LRBA: variants seen among roughly 807,000 people sequenced by gnomAD.
The protein encoded by LRBA is LPS responsive beige-like anchor protein, also known as lipopolysaccharide-responsive and beige-like anchor protein.
A neutral mutation model predicts 330.0 loss-of-function variants in LRBA; 176 were observed. The observed-to-expected ratio is 0.53, with a 90% CI of 0.47 to 0.60. LRBA has a LOEUF of 0.60. Ranked by LOEUF, LRBA falls within the 20% of genes least tolerant of loss-of-function variation. The pLI is 0.00. For missense variants in LRBA, 3,259 were observed against 3,444.8 expected (o/e 0.95, Z 1.35); for synonymous variants, 1,230 against 1,193.0 (o/e 1.03, Z -0.64).
intron 30 of LRBA, among the ~76,000 whole-genome samples, chr4:150,818,913 A>G (rs139634291): frequency 1.2e-3 from 190 of 152,202 alleles, no homozygotes; most frequent in African/African-American, 4.5e-3. Flanking sequence ...CACTTCTAGG[A>G]ATTTCCTCAA....
At chr4:150,268,390 C>CA (rs543965242) in intron 56 of LRBA, among the ~76,000 whole-genome samples, 4 of 152,060 alleles carry the variant, frequency 2.6e-5, no homozygotes, top group Non-Finnish European at 5.9e-5. Context: ...TTTCTTCTTC[C>CA]AAAAAATTAA....
rs1474596690 is a variant in LRBA, at chr4:151,014,609, G to A, written c.34C>T (p.Pro12Ser). The part of the protein sequence containing the change: ...ASEDNRVPSP[P>S]PTGDDGGGGG... Reference sequence around the variant, plus strand: ...CCTCCCCCGTCATCACCTGTTGGTGGCGGGGAAGGGACACGATTGTCTTCG... The same window carrying A: ...CCTCCCCCGTCATCACCTGTTGGTGACGGGGAAGGGACACGATTGTCTTCG... Residue 12 changes from proline to serine, a missense_variant, in exon 2 of 57, where the codon CCA (proline) becomes TCA (serine). Coordinates refer to ENST00000651943, the MANE Select transcript of LRBA (RefSeq NM_001364905.1). 1.9e-6 allele frequency: 3 copies of A among 1,608,312 alleles called. No individual in the cohort carries two copies. The highest frequency in any genetic ancestry group is 1.7e-5 in the Admixed American group (1 of 59,376).
Position 150,671,442 on chromosome 4 carries a change from C to A in LRBA, c.5921+12109G>T, listed in dbSNP as rs186657757. On this transcript the variant is annotated intron_variant, in intron 37 of 56. Coordinates refer to ENST00000651943, the MANE Select transcript of LRBA (RefSeq NM_001364905.1). ...GGTGTTCTTGATTGCCTCAGATATA[C>A]CCAAGAGATATTCATTATAGAATTA... 5.9e-5 allele frequency among the ~76,000 whole-genome samples: 9 copies of A among 152,138 alleles called. No homozygotes were observed. In the East Asian group the frequency reaches 1.2e-3, roughly 20 times the overall value.
chr4:150,817,039 A>C, intron 31 of LRBA, 85 bp downstream of exon 31: 1 of 1,263,716 alleles, frequency 7.9e-7, no homozygotes, highest in Non-Finnish European at 1.1e-6. Flanking sequence ...ATGTGCCCCC[A>C]AATTTTAAGT....
intron 40 of LRBA, chr4:150,581,803 C>G (rs1049949923): frequency 1.3e-5 from 2 of 152,676 alleles, no homozygotes; most frequent in African/African-American, 4.8e-5. Context: ...GCGTGCCTGT[C>G]TTCTCTCTCG....
At chr4:150,429,262 A>C (rs1161101568) in intron 46 of LRBA, among the ~76,000 whole-genome samples, 1 of 151,978 alleles carries the variant, frequency 6.6e-6, no homozygotes, top group Non-Finnish European at 1.5e-5. Flanking sequence ...GGCATGAAGA[A>C]TGAGTTCTTA....
chr4:150,697,325 GAAAAAAAAAAAAAA>G (rs60145657), intron 36 of LRBA, among the ~76,000 whole-genome samples: 19 of 28,054 alleles, frequency 6.8e-4, no homozygotes, highest in South Asian at 3.3e-3. Flanking sequence ...CTTTGTCTCA[GAAAAAAAAAAAAAA>G]AAAAAAAAAA....
At chr4:150,460,647 G>C (rs1754661188) in intron 44 of LRBA, among the ~76,000 whole-genome samples, 1 of 151,764 alleles carries the variant, frequency 6.6e-6, no homozygotes, top group African/African-American at 2.4e-5. Context: ...TATGTTGCAA[G>C]ATAGGAATCA....
intron 2 of LRBA, among the ~76,000 whole-genome samples, chr4:151,001,440 A>G (rs1743313265): frequency 6.6e-6 from 1 of 152,078 alleles, no homozygotes; most frequent in Non-Finnish European, 1.5e-5. Context: ...CAGCTTAACC[A>G]GGTCCCCATG....
At chr4:150,359,782 C>T (rs551731020) in intron 47 of LRBA, among the ~76,000 whole-genome samples, 1 of 151,996 alleles carries the variant, frequency 6.6e-6, no homozygotes, top group South Asian at 2.1e-4. Flanking sequence ...AGTTCAAGAC[C>T]AGCCTGGCCA....
chr4:150,556,707 CATATT>C (rs989224924), intron 40 of LRBA, among the ~76,000 whole-genome samples: 27 of 152,198 alleles, frequency 1.8e-4, no homozygotes, highest in African/African-American at 6.3e-4. Context: ...TGCAGATTGA[CATATT>C]ATATAGTTTG....
At chr4:150,512,016 T>C (rs1226141299) in intron 40 of LRBA, among the ~76,000 whole-genome samples, 1 of 152,244 alleles carries the variant, frequency 6.6e-6, no homozygotes, top group East Asian at 1.9e-4. Context: ...AAACAGTACT[T>C]ATTTTAGTAA....
chr4:150,705,575 T>C (rs763606056), intron 36 of LRBA, among the ~76,000 whole-genome samples: 5 of 151,882 alleles, frequency 3.3e-5, no homozygotes, highest in African/African-American at 9.7e-5. Flanking sequence ...AATTTAAGAA[T>C]AGAACATGAC....
intron 2 of LRBA, among the ~76,000 whole-genome samples, chr4:150,947,533 A>T (rs553657175): frequency 6.6e-6 from 1 of 152,202 alleles, no homozygotes; most frequent in East Asian, 1.9e-4. Flanking sequence ...AAAAACTTCA[A>T]CTTGATAAGC....
At chr4:150,787,092 C>T (rs1739184392) in intron 34 of LRBA, among the ~76,000 whole-genome samples, 1 of 152,012 alleles carries the variant, frequency 6.6e-6, no homozygotes, top group South Asian at 2.1e-4. Flanking sequence ...AGTCGCCAGG[C>T]ATGATGGTGG....
At chr4:150,376,944 T>G (rs1209671235) in intron 47 of LRBA, among the ~76,000 whole-genome samples, 2 of 151,918 alleles carry the variant, frequency 1.3e-5, no homozygotes, top group African/African-American at 2.4e-5. Context: ...AAAGAAACCA[T>G]GCCCACAGGG....
intron 37 of LRBA, among the ~76,000 whole-genome samples, chr4:150,619,727 T>G: frequency 6.6e-6 from 1 of 152,160 alleles, no homozygotes; most frequent in East Asian, 1.9e-4. Flanking sequence ...TCCCCACTGT[T>G]TGTATGAATC....
Position 150,321,008 on chromosome 4 carries a change from T to C in LRBA, c.7630+183A>G, listed in dbSNP as rs965821014. On this transcript the variant is annotated intron_variant, in intron 50 of 56. Transcript: ENST00000651943. The surrounding 1 kb of genome is among the most constrained non-coding windows in gnomAD (Gnocchi z 4.5). ...ACCAGAAGCTAAAAAGTAGTTTATG[T>C]TTTTAACATTTGTACTATATGCCTC... Among the ~76,000 whole-genome samples, 3 of 152,146 alleles carry C rather than the reference T, an allele frequency of 2.0e-5. No individual in the cohort carries two copies. Among genetic ancestry groups the C allele is most frequent in the Non-Finnish European group, 4.4e-5 (3 of 68,026 alleles).
chr4:150,874,650 T>G (rs1753804695), intron 17 of LRBA, among the ~76,000 whole-genome samples: 1 of 152,158 alleles, frequency 6.6e-6, no homozygotes, highest in Admixed American at 6.5e-5. Context: ...ACCCTGACAC[T>G]GTGGTGCAGC....
Sources: gnomAD v4.1 joint callset for allele counts (sites outside exome capture counted in the v4.1 genomes callset) on GRCh38, gnomAD v4.1.1 for gene constraint, Gnocchi (gnomAD v3.1) non-coding constraint, MANE v1.5 for transcripts, NCBI Gene and HGNC (gene_info 2026-07-23, HGNC 2026-07-21) for gene names.